Variants in VDAC1 observed in about 807,000 individuals in gnomAD.
The protein encoded by VDAC1 is voltage dependent anion channel 1, also known as non-selective voltage-gated ion channel VDAC1.
In VDAC1, 10 loss-of-function variants were observed where a neutral mutation model predicts 34.7. That is an observed-to-expected ratio of 0.29 (90% confidence interval 0.18 to 0.49). The LOEUF is 0.49. Ranked by LOEUF, VDAC1 falls within the 20% of genes least tolerant of loss-of-function variation. The probability of loss-of-function intolerance (pLI) is 0.99; values close to 1 mark genes in which losing one functional copy is unlikely to be tolerated. For missense variants in VDAC1, 230 were observed against 347.9 expected, an observed-to-expected ratio of 0.66 and a Z score of 2.69; for synonymous variants, 130 against 136.0, an observed-to-expected ratio of 0.96 and a Z score of 0.30.
the VDAC1 span, among the ~76,000 whole-genome samples, chr5:134,041,272 GAA>G: frequency 6.6e-6 from 1 of 152,250 alleles, no homozygotes; most frequent in South Asian, 2.1e-4. Context: ...GGGGATGTCA[GAA>G]AAGAGGTTGC....
chr5:134,087,361 G>A, the VDAC1 span, among the ~76,000 whole-genome samples: 1 of 152,104 alleles, frequency 6.6e-6, no homozygotes, highest in Non-Finnish European at 1.5e-5. Flanking sequence ...CAGGAGGCCT[G>A]GGTGCTGGGG....
chr5:134,026,665 GC>G, the VDAC1 span, among the ~76,000 whole-genome samples: 2 of 152,012 alleles, frequency 1.3e-5, no homozygotes, highest in African/African-American at 4.8e-5. Flanking sequence ...GGCTTTACCA[GC>G]CAAGCCAGCT....
At chr5:134,042,750 G>A in the VDAC1 span, among the ~76,000 whole-genome samples, 2 of 152,320 alleles carry the variant, frequency 1.3e-5, no homozygotes, top group East Asian at 3.9e-4. Context: ...GCCTCCCAAA[G>A]TGCTGGGGAT....
chr5:134,065,481 C>A, the VDAC1 span, among the ~76,000 whole-genome samples: 1 of 151,370 alleles, frequency 6.6e-6, no homozygotes, highest in Non-Finnish European at 1.5e-5. Flanking sequence ...GCTGGGACTA[C>A]AAGCGTGCGC....
the VDAC1 span, among the ~76,000 whole-genome samples, chr5:134,064,315 T>C: frequency 3.3e-5 from 5 of 152,098 alleles, no homozygotes; most frequent in African/African-American, 1.2e-4. Flanking sequence ...TTGGGGTTTT[T>C]TTTTGAGAGA....
chr5:134,072,530 A>C, the VDAC1 span, among the ~76,000 whole-genome samples: 2 of 152,192 alleles, frequency 1.3e-5, no homozygotes, highest in Non-Finnish European at 1.5e-5. Flanking sequence ...CATGGACAGC[A>C]CACTGGGGGG....
chr5:134,114,162 AG>A, the VDAC1 span, among the ~76,000 whole-genome samples: 1 of 152,180 alleles, frequency 6.6e-6, no homozygotes, highest in Non-Finnish European at 1.5e-5. Flanking sequence ...GCGGCCTAGA[AG>A]GAAGTCCCTG....
At chr5:133,980,645 A>AAG (rs1436378415) in intron 6 of VDAC1, 84 bp downstream of exon 6, 1 of 1,027,218 alleles carries the variant, frequency 9.7e-7, no homozygotes, top group East Asian at 3.1e-5. Flanking sequence ...AAAAAAAAAA[A>AAG]AAAAAAAACA....
At chr5:134,060,285 C>T in the VDAC1 span, among the ~76,000 whole-genome samples, 1 of 151,946 alleles carries the variant, frequency 6.6e-6, no homozygotes, top group African/African-American at 2.4e-5. Flanking sequence ...GCACCTCATC[C>T]CAGCCAGGGA....
the VDAC1 span, among the ~76,000 whole-genome samples, chr5:134,112,876 C>A: frequency 6.6e-6 from 1 of 152,202 alleles, no homozygotes; most frequent in Non-Finnish European, 1.5e-5. Context: ...CTCCACTGAT[C>A]TGTGTCGGTG....
chr5:134,074,421 G>A, the VDAC1 span, among the ~76,000 whole-genome samples: 1 of 152,120 alleles, frequency 6.6e-6, no homozygotes, highest in Non-Finnish European at 1.5e-5. Flanking sequence ...GCTAGCATGG[G>A]GGTGTTCTGT....
chr5:134,099,378 G>GCT, the VDAC1 span, among the ~76,000 whole-genome samples: 1 of 152,160 alleles, frequency 6.6e-6, no homozygotes, highest in Non-Finnish European at 1.5e-5. Context: ...GTTTGGGGAT[G>GCT]CTAGAGGAGG....
At chr5:134,027,962 G>T in the VDAC1 span, among the ~76,000 whole-genome samples, 51 of 151,568 alleles carry the variant, frequency 3.4e-4, no homozygotes, top group East Asian at 1.4e-3. Flanking sequence ...GTACAGACAG[G>T]GTTTCACCAT....
the VDAC1 span, among the ~76,000 whole-genome samples, chr5:134,113,084 G>A: frequency 6.6e-6 from 1 of 152,146 alleles, no homozygotes; most frequent in African/African-American, 2.4e-5. Flanking sequence ...CTGAACTCCC[G>A]TCCCTGTACC....
the VDAC1 span, among the ~76,000 whole-genome samples, chr5:134,078,729 A>T: frequency 7.0e-6 from 1 of 143,124 alleles, no homozygotes; most frequent in African/African-American, 2.6e-5. Context: ...TGGCTCACTG[A>T]GACCTCCACC....
the VDAC1 span, among the ~76,000 whole-genome samples, chr5:134,062,190 T>C: frequency 6.6e-6 from 1 of 151,520 alleles, no homozygotes; most frequent in South Asian, 2.1e-4. Flanking sequence ...TTTCACTATG[T>C]TGGCTAGGAT....
chr5:133,992,405 G>T, intron 2 of VDAC1, 50 bp from the exon 3 acceptor site: 1 of 1,447,108 alleles, frequency 6.9e-7, no homozygotes. Context: ...CTAGAGAACA[G>T]CACCTCTGCC....
chr5:133,989,507 G>A (rs1368243386), intron 5 of VDAC1, among the ~76,000 whole-genome samples: 4 of 151,786 alleles, frequency 2.6e-5, no homozygotes, highest in Admixed American at 6.6e-5. Context: ...CTACAGGCAC[G>A]CACCATCATG....
At chr5:134,062,312 C>T in the VDAC1 span, among the ~76,000 whole-genome samples, 16 of 151,722 alleles carry the variant, frequency 1.1e-4, no homozygotes, top group East Asian at 2.7e-3. Flanking sequence ...AGGAGTGATA[C>T]GGAATTTTTA....
Sources: gnomAD v4.1 joint callset for allele counts (sites outside exome capture counted in the v4.1 genomes callset) on GRCh38, gnomAD v4.1.1 for gene constraint, MANE v1.5 for transcripts, NCBI Gene and HGNC (gene_info 2026-07-23, HGNC 2026-07-21) for gene names.